The following BMAL2 variants were observed in gnomAD, a reference collection of about 807,000 sequenced individuals.
The protein encoded by BMAL2 is basic helix-loop-helix ARNT-like protein 2.
the BMAL2 span, chr12:27,402,662 T>G: frequency 1.9e-6 from 3 of 1,612,008 alleles, no homozygotes; most frequent in Non-Finnish European, 2.5e-6. Context: ...ACCTTGTAGC[T>G]CTCAATCATC....
At chr12:27,420,598 A>C in the BMAL2 span, 11 of 1,484,602 alleles carry the variant, frequency 7.4e-6, no homozygotes, top group South Asian at 1.4e-5. Context: ...AAACTGTCTC[A>C]ACTATTCTTA....
chr12:27,415,791 A>G, the BMAL2 span: 1 of 945,390 alleles, frequency 1.1e-6, no homozygotes, highest in Non-Finnish European at 1.6e-6. Context: ...TTATTAGTAG[A>G]TTATTATGTA....
the BMAL2 span, among the ~76,000 whole-genome samples, chr12:27,377,262 T>A: frequency 6.6e-6 from 1 of 152,228 alleles, no homozygotes; most frequent in Non-Finnish European, 1.5e-5. Context: ...AGCCTCTGGA[T>A]AAATATGCCT....
chr12:27,356,470 G>T, the BMAL2 span, among the ~76,000 whole-genome samples: 564 of 152,178 alleles, frequency 3.7e-3, 4 homozygotes, highest in African/African-American at 0.013. Context: ...TCAGTTTTAC[G>T]CTGTGGCCAG....
the BMAL2 span, among the ~76,000 whole-genome samples, chr12:27,372,065 C>T: frequency 1.3e-5 from 2 of 152,122 alleles, no homozygotes; most frequent in African/African-American, 2.4e-5. Flanking sequence ...CCCATCTCTA[C>T]TAAAAATACA....
the BMAL2 span, among the ~76,000 whole-genome samples, chr12:27,355,958 T>C: frequency 6.6e-6 from 1 of 152,190 alleles, no homozygotes; most frequent in Non-Finnish European, 1.5e-5. Flanking sequence ...TTTAGACATC[T>C]TGCTACTTTT....
At chr12:27,396,111 C>T in the BMAL2 span, among the ~76,000 whole-genome samples, 1 of 152,092 alleles carries the variant, frequency 6.6e-6, no homozygotes, top group African/African-American at 2.4e-5. Flanking sequence ...AAGGTAGACC[C>T]CTATACAACA....
At chr12:27,420,012 T>TGCGCGC in the BMAL2 span, among the ~76,000 whole-genome samples, 23 of 64,822 alleles carry the variant, frequency 3.5e-4, no homozygotes, top group African/African-American at 1.4e-3. Flanking sequence ...TTCCAGGGTT[T>TGCGCGC]GCGCGTGCAC....
At chr12:27,414,286 A>T in the BMAL2 span, among the ~76,000 whole-genome samples, 1 of 152,228 alleles carries the variant, frequency 6.6e-6, no homozygotes, top group Non-Finnish European at 1.5e-5. Context: ...TTCAAACAAC[A>T]TCAATATGGA....
the BMAL2 span, among the ~76,000 whole-genome samples, chr12:27,348,959 ATTTTGACGTTGGG>A: frequency 6.6e-6 from 1 of 152,112 alleles, no homozygotes; most frequent in African/African-American, 2.4e-5. Context: ...AGGGTGGGAG[ATTTTGACGTTGGG>A]GAACAGTGGG....
the BMAL2 span, among the ~76,000 whole-genome samples, chr12:27,372,576 A>G: frequency 1.3e-5 from 2 of 152,246 alleles, no homozygotes; most frequent in Non-Finnish European, 2.9e-5. Flanking sequence ...AGGAACTGCT[A>G]TACTGTTTTC....
the BMAL2 span, chr12:27,424,824 T>A: frequency 2.0e-5 from 3 of 152,260 alleles, no homozygotes; most frequent in Non-Finnish European, 4.4e-5. Flanking sequence ...TTTCTGTTTT[T>A]GTAATGCTTT....
chr12:27,395,718 G>T, the BMAL2 span, among the ~76,000 whole-genome samples: 1 of 152,170 alleles, frequency 6.6e-6, no homozygotes, highest in Non-Finnish European at 1.5e-5. Flanking sequence ...ATCTTATTGG[G>T]AAAATATAGA....
chr12:27,357,621 T>C, the BMAL2 span, among the ~76,000 whole-genome samples: 2 of 152,250 alleles, frequency 1.3e-5, no homozygotes, highest in South Asian at 2.1e-4. Context: ...CACACTATAC[T>C]ATTAGGGCAT....
the BMAL2 span, among the ~76,000 whole-genome samples, chr12:27,354,739 A>G: frequency 6.6e-6 from 1 of 152,172 alleles, no homozygotes; most frequent in Non-Finnish European, 1.5e-5. Flanking sequence ...GGATATTCCA[A>G]AATCCAAAAC....
chr12:27,406,452 G>C, the BMAL2 span, among the ~76,000 whole-genome samples: 2 of 152,164 alleles, frequency 1.3e-5, no homozygotes, highest in Non-Finnish European at 2.9e-5. Flanking sequence ...CATTGTTAAA[G>C]AAAAGAATTT....
At chr12:27,394,955 C>T in the BMAL2 span, among the ~76,000 whole-genome samples, 2 of 152,234 alleles carry the variant, frequency 1.3e-5, no homozygotes, top group Admixed American at 6.5e-5. Flanking sequence ...AGAACCCAGC[C>T]CTGCTGACAC....
the BMAL2 span, among the ~76,000 whole-genome samples, chr12:27,335,456 G>A: frequency 1.3e-5 from 2 of 152,118 alleles, no homozygotes; most frequent in East Asian, 1.9e-4. Flanking sequence ...CTCACCTTCC[G>A]TTTTCTTACC....
chr12:27,332,947 C>T, the BMAL2 span: 91 of 717,264 alleles, frequency 1.3e-4, no homozygotes, highest in Non-Finnish European at 1.6e-4. Flanking sequence ...GCCGCGGCAC[C>T]CGGCAGGGCC....
Sources: gnomAD v4.1 joint callset for allele counts (sites outside exome capture counted in the v4.1 genomes callset) on GRCh38, gnomAD v4.1.1 for gene constraint, MANE v1.5 for transcripts, NCBI Gene and HGNC (gene_info 2026-07-23, HGNC 2026-07-21) for gene names.